The following TIAM1 variants were observed in gnomAD, a reference collection of about 807,000 sequenced individuals.
TIAM1 encodes TIAM Rac1 associated GEF 1, also known as rho guanine nucleotide exchange factor TIAM1.
A neutral mutation model predicts 163.5 loss-of-function variants in TIAM1; 65 were observed. The ratio of observed to expected loss-of-function variants is 0.40; its 90% CI spans 0.33 to 0.49. TIAM1 has a LOEUF of 0.49. Among genes scored for constraint, TIAM1 ranks in the 20% least tolerant of loss-of-function variants. The pLI is 0.77. For missense variants in TIAM1, 1,789 were observed against 2,044.7 expected, an observed-to-expected ratio of 0.87 and a Z score of 2.41; for synonymous variants, 833 against 810.1, an observed-to-expected ratio of 1.03 and a Z score of -0.48.
chr21:31,161,559 A>C (rs1346374215), intron 16 of TIAM1, among the ~76,000 whole-genome samples: 1 of 152,244 alleles, frequency 6.6e-6, no homozygotes, highest in Non-Finnish European at 1.5e-5. Context: ...AAAAACTGCT[A>C]TTCAGTACAA....
In TIAM1 at chr21:31,141,614, CAG is replaced by C. The variant is rs2082848770; in HGVS notation, c.3476-112_3476-111del. 1 of 1,268,058 alleles carries C rather than the reference CAG, an allele frequency of 7.9e-7. No individual in the cohort carries two copies. Among genetic ancestry groups the C allele is most frequent in the African/African-American group, 1.5e-5 (1 of 67,224 alleles). 78.6% of individuals were successfully genotyped at this position (1,268,058 alleles called of 1,614,324 possible). Reference sequence around the variant, plus strand: ...CAAGGTGCCTTTTTGCAGGACTGAGCAGAGAGTGGGTGGCAGGAAGAGGGACA... The same window carrying C: ...CAAGGTGCCTTTTTGCAGGACTGAGCAGAGTGGGTGGCAGGAAGAGGGACA... On this transcript the variant is annotated intron_variant, in intron 20 of 27. Coordinates refer to ENST00000541036, the MANE Select transcript of TIAM1 (RefSeq NM_001353694.2). This position sits in a 1 kb window ranked among gnomAD's most constrained non-coding sequence, Gnocchi z 4.7.
In TIAM1 at chr21:31,251,749, G is replaced by A. The variant is rs746005569; in HGVS notation, c.1404C>T (p.Ser468=). 9.5e-6 allele frequency: 15 copies of A among 1,585,768 alleles called. No individual in the cohort carries two copies. The highest frequency in any genetic ancestry group is 1.1e-5 in the South Asian group (1 of 87,016). The change falls in exon 5 of 28, where the codon TCC becomes TCT. Residue 468 remains serine, a synonymous_variant. Coordinates refer to ENST00000541036, the MANE Select transcript of TIAM1 (RefSeq NM_001353694.2). Reference sequence around the variant, plus strand: ...GGGCCCTCCCGCTCTCACCTTTCAGGGACACCCAGTAGTGCTTCCACTTCC... The same window carrying A: ...GGGCCCTCCCGCTCTCACCTTTCAGAGACACCCAGTAGTGCTTCCACTTCC... ...TRRKWKHYWV[S]LKGCTLFFYE...
chr21:31,202,843 G>T, intron 12 of TIAM1, 65 bp downstream of exon 12: 1 of 1,446,612 alleles, frequency 6.9e-7, no homozygotes, highest in South Asian at 1.2e-5. Context: ...CAATTAACAC[G>T]AGAACACTCA....
At chr21:31,367,631 A>G (rs947242995) in intron 2 of TIAM1, among the ~76,000 whole-genome samples, 2 of 152,188 alleles carry the variant, frequency 1.3e-5, no homozygotes, top group African/African-American at 4.8e-5. Context: ...GACAGGCCTC[A>G]TGCATTCTAT....
chr21:31,452,777 G>T (rs500486), intron 2 of TIAM1: 424,315 of 524,096 alleles, frequency 0.81, 172,769 homozygotes, highest in East Asian at 0.89. Flanking sequence ...AGGACTCTGA[G>T]GAAGACAGCA....
chr21:31,466,340 G>A (rs1192798638), intron 1 of TIAM1, among the ~76,000 whole-genome samples: 2 of 152,168 alleles, frequency 1.3e-5, no homozygotes, highest in East Asian at 1.9e-4. Flanking sequence ...CCTGCTGAAG[G>A]CAGGTTGACT....
At chr21:31,495,441 G>A (rs2046607300) in intron 1 of TIAM1, among the ~76,000 whole-genome samples, 1 of 152,156 alleles carries the variant, frequency 6.6e-6, no homozygotes, top group Non-Finnish European at 1.5e-5. Flanking sequence ...AGAGCCAAAT[G>A]CCGCGTAAAG....
rs533365904 is a variant in TIAM1, at chr21:31,553,574, G to A, written c.-422+5353C>T. 5.1e-4 allele frequency among the ~76,000 whole-genome samples: 77 copies of A among 152,244 alleles called. 1 individual carries two copies. The highest frequency in any genetic ancestry group is 8.8e-4 in the Non-Finnish European group (60 of 68,018). ...ACTTTCCTGCAAGAAATTATCATTTGCCTGGAATGCGGCCACCCAGCCCAG... is the reference window on the plus strand; with the variant it reads ...ACTTTCCTGCAAGAAATTATCATTTACCTGGAATGCGGCCACCCAGCCCAG... On this transcript the variant is annotated intron_variant, in intron 1 of 28. Coordinates refer to the TIAM1 transcript ENST00000286827.
intron 1 of TIAM1, among the ~76,000 whole-genome samples, chr21:31,525,598 C>A (rs1271256364): frequency 6.6e-6 from 1 of 152,140 alleles, no homozygotes; most frequent in Non-Finnish European, 1.5e-5. Context: ...AGGCACAGAG[C>A]CAAGTGACTT....
chr21:31,168,303 G>A (rs985836001), intron 15 of TIAM1, among the ~76,000 whole-genome samples: 2 of 151,974 alleles, frequency 1.3e-5, no homozygotes, highest in Non-Finnish European at 2.9e-5. Flanking sequence ...TGTTTGCCAG[G>A]CTGGTCTTGA....
chr21:31,222,513 C>T (rs1168718422), intron 8 of TIAM1, among the ~76,000 whole-genome samples: 1 of 151,638 alleles, frequency 6.6e-6, no homozygotes, highest in East Asian at 1.9e-4. Flanking sequence ...GTTCAGCTGG[C>T]GAATCACAGA....
intron 2 of TIAM1, among the ~76,000 whole-genome samples, chr21:31,336,009 T>A (rs2833377): frequency 0.17 from 25,570 of 152,112 alleles, 3,038 homozygotes; most frequent in East Asian, 0.44. Flanking sequence ...AAAGCAGAAG[T>A]ATGCCAGGCA....
Position 31,124,644 on chromosome 21 carries a change from C to T in TIAM1, c.4184G>A (p.Arg1395His), listed in dbSNP as rs756357139. ...GAGGAGCTGTCTTCTGTGCTTATCA[C>T]GCAGGATTGAATGCACAGCCTTTAG... ...DFLKAVHSIL[R>H]DKHRRQLLKT... Residue 1395 changes from arginine to histidine, a missense_variant, in exon 27 of 28, where the codon CGT (arginine) becomes CAT (histidine). Transcript: ENST00000541036. 13 of 1,612,340 alleles carry T rather than the reference C, an allele frequency of 8.1e-6. No homozygotes were observed. Among genetic ancestry groups the T allele is most frequent in the African/African-American group, 6.7e-5 (5 of 74,876 alleles).
At position 31,486,167 on chromosome 21, in the gene TIAM1, G is replaced by C. The variant is rs188767282; in HGVS notation, c.-421-22132C>G. Among the ~76,000 whole-genome samples, 148 of 152,302 alleles carry C rather than the reference G, an allele frequency of 9.7e-4. 1 individual carries two copies. Among genetic ancestry groups the C allele is most frequent in the African/African-American group, 3.4e-3 (143 of 41,550 alleles). On this transcript the variant is annotated intron_variant, in intron 1 of 28. Coordinates refer to the TIAM1 transcript ENST00000286827. ...ACTGTGGGGAGGGAGGTGCCATAAGGCACTGTGAAACCAGCGTCCCTTTAG... is the reference window on the plus strand; with the variant it reads ...ACTGTGGGGAGGGAGGTGCCATAAGCCACTGTGAAACCAGCGTCCCTTTAG...
intron 2 of TIAM1, among the ~76,000 whole-genome samples, chr21:31,352,976 T>C (rs1001080876): frequency 1.3e-5 from 2 of 152,034 alleles, no homozygotes; most frequent in Non-Finnish European, 2.9e-5. Flanking sequence ...CATATCACCA[T>C]GATCTTCACA....
intron 13 of TIAM1, among the ~76,000 whole-genome samples, chr21:31,187,664 T>G (rs887726508): frequency 6.6e-6 from 1 of 152,162 alleles, no homozygotes; most frequent in Non-Finnish European, 1.5e-5. Context: ...GATTATCTTA[T>G]ACTTCTCTGG....
intron 2 of TIAM1, among the ~76,000 whole-genome samples, chr21:31,297,119 G>A (rs564762228): frequency 9.2e-5 from 14 of 152,300 alleles, no homozygotes; most frequent in African/African-American, 2.4e-4. Flanking sequence ...GGCACTAGCG[G>A]TGAGTAAATT....
intron 2 of TIAM1, among the ~76,000 whole-genome samples, chr21:31,295,255 A>G (rs375976005): frequency 0.016 from 2,392 of 152,128 alleles, 50 homozygotes; most frequent in South Asian, 0.046. Context: ...CGGATCATGA[A>G]GTCAGGAAAT....
intron 1 of TIAM1, among the ~76,000 whole-genome samples, chr21:31,537,713 C>T (rs1602517229): frequency 6.6e-6 from 1 of 151,864 alleles, no homozygotes. Context: ...GATCGCACCA[C>T]TGCACTCCAG....
Sources: gnomAD v4.1 joint callset for allele counts (sites outside exome capture counted in the v4.1 genomes callset) on GRCh38, gnomAD v4.1.1 for gene constraint, Gnocchi (gnomAD v3.1) non-coding constraint, MANE v1.5 for transcripts, NCBI Gene and HGNC (gene_info 2026-07-23, HGNC 2026-07-21) for gene names.